The following PRXL2A variants were observed in gnomAD, a reference collection of about 807,000 sequenced individuals.
PRXL2A encodes peroxiredoxin like 2A.
A neutral mutation model predicts 25.6 loss-of-function variants in PRXL2A; 26 were observed. The ratio of observed to expected loss-of-function variants is 1.02; its 90% CI spans 0.74 to 1.41. PRXL2A has a LOEUF of 1.41. Among genes scored for constraint, PRXL2A ranks in the 40% most tolerant of loss-of-function variants. The probability of loss-of-function intolerance (pLI) is 0.00; values close to 1 mark genes in which losing one functional copy is unlikely to be tolerated. For missense variants in PRXL2A, 246 were observed against 273.9 expected (o/e 0.90, Z 0.72); for synonymous variants, 98 against 102.9 (o/e 0.95, Z 0.29).
intron 3 of PRXL2A, among the ~76,000 whole-genome samples, chr10:80,422,710 C>A (rs913903935): frequency 3.3e-5 from 5 of 150,898 alleles, no homozygotes; most frequent in Admixed American, 3.3e-4. Flanking sequence ...CTGGGGTTAG[C>A]AACACATCTC....
chr10:80,410,439 G>A (rs965437633), intron 1 of PRXL2A, among the ~76,000 whole-genome samples: 12 of 152,232 alleles, frequency 7.9e-5, no homozygotes, highest in East Asian at 1.9e-4. Flanking sequence ...GACCTAGAAC[G>A]TTCACCAGAA....
chr10:80,409,433 C>T (rs1490657525), intron 1 of PRXL2A, among the ~76,000 whole-genome samples: 1 of 152,160 alleles, frequency 6.6e-6, no homozygotes, highest in Non-Finnish European at 1.5e-5. Context: ...GCTGCTCCTG[C>T]GCCTCTTTTC....
chr10:80,422,343 T>G, intron 2 of PRXL2A, 74 bp from the exon 3 acceptor site: 1 of 1,215,990 alleles, frequency 8.2e-7, no homozygotes, highest in East Asian at 2.3e-5. Flanking sequence ...CTGGACTTAG[T>G]GTGGTTCATG....
At chr10:80,415,957 T>C (rs1041287797) in intron 1 of PRXL2A, among the ~76,000 whole-genome samples, 3 of 152,174 alleles carry the variant, frequency 2.0e-5, no homozygotes, top group Non-Finnish European at 4.4e-5. Context: ...CTGGTCTTTG[T>C]ATACTGACGC....
intron 3 of PRXL2A, among the ~76,000 whole-genome samples, chr10:80,423,606 G>A (rs1419422228): frequency 2.6e-5 from 4 of 152,200 alleles, no homozygotes; most frequent in Non-Finnish European, 4.4e-5. Flanking sequence ...GATGCCTGCA[G>A]TACCCTACCC....
intron 1 of PRXL2A, chr10:80,413,809 A>G: frequency 1.8e-6 from 2 of 1,098,724 alleles, no homozygotes; most frequent in South Asian, 4.4e-5. Context: ...CCGCCTGCCC[A>G]GGCCCGTCTG....
chr10:80,435,164 G>A lies in PRXL2A; in HGVS notation c.*3065G>A, dbSNP rs111391217. On this transcript the variant is annotated 3_prime_UTR_variant, in exon 6 of 6. Transcript: ENST00000606162. ...AGGAGGCGGAGGGTGCAGTGAGCCGGGATCACGCCACTGCACTTCAGCCTG... is the reference window on the plus strand; with the variant it reads ...AGGAGGCGGAGGGTGCAGTGAGCCGAGATCACGCCACTGCACTTCAGCCTG... The A allele has an allele frequency of 0.087, 13,315 of 152,256 alleles. 881 individuals carry two copies. Among genetic ancestry groups the A allele is most frequent in the African/African-American group, 0.19 (7,733 of 41,482 alleles). The allele number at this position is 152,256 out of a possible 1,614,324, so 9.4% of individuals were successfully genotyped here. A position where few individuals can be genotyped will look rare whatever the true frequency, so the allele number is the denominator to read the frequency against.
At chr10:80,429,240 G>A (rs1045176823) in intron 5 of PRXL2A, among the ~76,000 whole-genome samples, 1 of 152,116 alleles carries the variant, frequency 6.6e-6, no homozygotes, top group African/African-American at 2.4e-5. Flanking sequence ...GCATAAAATG[G>A]TGTCTGATTT....
chr10:80,418,972 C>G (rs1375954746), intron 1 of PRXL2A, among the ~76,000 whole-genome samples: 2 of 151,940 alleles, frequency 1.3e-5, no homozygotes, highest in African/African-American at 4.8e-5. Flanking sequence ...GCCATAGGAC[C>G]TCCTCTTTCT....
intron 1 of PRXL2A, chr10:80,408,961 A>G: frequency 1.1e-6 from 1 of 905,060 alleles, no homozygotes; most frequent in Non-Finnish European, 1.3e-6. Flanking sequence ...GCAAGCCTTG[A>G]GTGACGCCGG....
chr10:80,430,109 T>TG (rs1845197928), intron 5 of PRXL2A, among the ~76,000 whole-genome samples: 2 of 145,654 alleles, frequency 1.4e-5, no homozygotes, highest in Non-Finnish European at 3.0e-5. Context: ...TTTTTTTTTT[T>TG]TTTTTCTGGA....
At chr10:80,417,404 G>A (rs961495977) in intron 1 of PRXL2A, among the ~76,000 whole-genome samples, 4 of 152,164 alleles carry the variant, frequency 2.6e-5, no homozygotes, top group Non-Finnish European at 5.9e-5. Flanking sequence ...AACTCCTTGC[G>A]GAAGGGGGTT....
chr10:80,432,364 G>C lies in PRXL2A; in HGVS notation c.*265G>C, dbSNP rs568805119. The C allele has an allele frequency of 2.7e-6, 1 of 365,878 alleles. No individual in the cohort carries two copies. Among genetic ancestry groups the C allele is most frequent in the East Asian group, 6.4e-5 (1 of 15,578 alleles). 22.7% of individuals were successfully genotyped at this position (365,878 alleles called of 1,614,324 possible). On this transcript the variant is annotated 3_prime_UTR_variant, in exon 6 of 6. Coordinates refer to ENST00000606162, the MANE Select transcript of PRXL2A (RefSeq NM_032333.5). ...AGGCTTAAAATTGACTGCCAGGCTG[G>C]GTGCAGTGGCTCACACCTGTAATCC...
intron 5 of PRXL2A, among the ~76,000 whole-genome samples, chr10:80,428,122 A>G (rs889970347): frequency 6.6e-6 from 1 of 151,978 alleles, no homozygotes; most frequent in African/African-American, 2.4e-5. Flanking sequence ...GGGCTGGCCT[A>G]GGAAAGGTAT....
In PRXL2A at chr10:80,425,661, G is replaced by A. The variant is rs547163430; in HGVS notation, c.271-205G>A. On this transcript the variant is annotated intron_variant, in intron 3 of 5. Coordinates refer to ENST00000606162, the MANE Select transcript of PRXL2A (RefSeq NM_032333.5). The stretch of plus-strand genomic sequence containing the variant: ...GGGAAGGGGCTGGGAGATGATGTAG[G>A]AGAGAAGCATTGTGGGCAGGAGGAG... Among the ~76,000 whole-genome samples the A allele has an allele frequency of 1.7e-3, 264 of 152,300 alleles. 4 individuals carry two copies. The highest frequency in any genetic ancestry group is 3.5e-3 in the Admixed American group (54 of 15,306).
At chr10:80,414,165 C>G (rs1844570386) in intron 1 of PRXL2A, among the ~76,000 whole-genome samples, 1 of 152,186 alleles carries the variant, frequency 6.6e-6, no homozygotes, top group Non-Finnish European at 1.5e-5. Flanking sequence ...CCGACTGGGT[C>G]TCGTCCTCTT....
chr10:80,412,667 G>C (rs1844513359), intron 1 of PRXL2A, among the ~76,000 whole-genome samples: 1 of 152,188 alleles, frequency 6.6e-6, no homozygotes, highest in Non-Finnish European at 1.5e-5. Context: ...TTCAGGAAAG[G>C]CTTTGGAGAG....
rs1166218691 is a variant in PRXL2A at position 80,432,287 on chromosome 10, CA to C, written c.*193del. 4.0e-6 allele frequency: 2 copies of C among 504,004 alleles called. No individual in the cohort carries two copies. Among genetic ancestry groups the C allele is most frequent in the Non-Finnish European group, 6.9e-6 (2 of 291,714 alleles). 31.2% of individuals were successfully genotyped at this position (504,004 alleles called of 1,614,324 possible). A position where few individuals can be genotyped will look rare whatever the true frequency, so the allele number is the denominator to read the frequency against. On this transcript the variant is annotated 3_prime_UTR_variant, in exon 6 of 6. Transcript: ENST00000606162. ...CAAAATAGCCCCAAAACAAGACTGA[CA>C]AAAATCTGAAAAACTAATGAGGATT...
Position 80,425,911 on chromosome 10 carries a change from G to T in PRXL2A, c.316G>T (p.Gly106Cys). 6.2e-7 allele frequency: 1 copy of T among 1,614,220 alleles called. No homozygotes were observed. The highest frequency in any genetic ancestry group is 1.3e-5 in the African/African-American group (1 of 75,042). ...SSLKSMLDQL[G>C]VPLYAVVKEH... Reference sequence around the variant, plus strand: ...CCTGAAAAGCATGTTGGACCAGCTGGGCGTCCCCCTCTATGCAGTGGTAAA... The same window carrying T: ...CCTGAAAAGCATGTTGGACCAGCTGTGCGTCCCCCTCTATGCAGTGGTAAA... Residue 106 changes from glycine (G) to cysteine (C), a missense_variant, in exon 4 of 6, where the codon GGC becomes TGC. By Grantham distance (159) the Gly-to-Cys change is radical. Coordinates refer to ENST00000606162, the MANE Select transcript of PRXL2A (RefSeq NM_032333.5).
Sources: allele counts gnomAD v4.1 joint callset (sites outside exome capture counted in the v4.1 genomes callset), GRCh38; gene constraint gnomAD v4.1.1; transcripts MANE v1.5; gene names NCBI Gene and HGNC (gene_info 2026-07-23, HGNC 2026-07-21).